The following DMRTA1 variants were observed in gnomAD, a reference collection of about 807,000 sequenced individuals.
DMRTA1 encodes doublesex- and mab-3-related transcription factor A1.
In DMRTA1, 34 loss-of-function variants were observed where a neutral mutation model predicts 35.2. The ratio of observed to expected loss-of-function variants is 0.97; its 90% CI spans 0.74 to 1.29. The LOEUF (loss-of-function observed/expected upper bound fraction) is 1.29. Ranked by LOEUF, DMRTA1 falls within the 50% of genes most tolerant of loss-of-function variation. DMRTA1 has a pLI of 0.00. For missense variants in DMRTA1, 824 were observed against 644.6 expected, an observed-to-expected ratio of 1.28 and a Z score of -3.01; for synonymous variants, 344 against 276.6, an observed-to-expected ratio of 1.24 and a Z score of -2.42.
At position 22,451,340 on chromosome 9, in the gene DMRTA1, C is replaced by T. The variant is rs61729546; in HGVS notation, c.944C>T (p.Thr315Ile). 2 of 1,613,968 alleles carry T rather than the reference C, an allele frequency of 1.2e-6. No individual in the cohort carries two copies. Among genetic ancestry groups the T allele is most frequent in the Admixed American group, 1.7e-5 (1 of 60,000 alleles). ...ESEWVKDLTATKASLPTVSSR... is the reference protein window; with the variant it reads ...ESEWVKDLTAIKASLPTVSSR... ...GAATGGGTCAAAGACTTGACTGCGA[C>T]CAAGGCAAGCCTTCCGACAGTGTCC... The change falls in exon 2 of 2, where the codon ACC (threonine) becomes ATC (isoleucine). Residue 315 changes from threonine (T) to isoleucine (I), a missense_variant. By Grantham distance (89) the Thr-to-Ile change is moderately conservative (BLOSUM62 -1). Coordinates refer to ENST00000325870, the MANE Select transcript of DMRTA1 (RefSeq NM_022160.3).
chr9:22,447,251 C>A lies in DMRTA1; in HGVS notation c.186C>A (p.Ala62=). 1 of 1,501,830 alleles carries A rather than the reference C, an allele frequency of 6.7e-7. No homozygotes were observed. The highest frequency in any genetic ancestry group is 2.4e-5 in the Admixed American group (1 of 41,260). 93.0% of individuals were successfully genotyped at this position (1,501,830 alleles called of 1,614,324 possible). A position where few individuals can be genotyped will look rare whatever the true frequency, so the allele number is the denominator to read the frequency against. ...TTCTGCGAGCAGCGGCCGCGGCCGCCGCCGCCGCTGCCGCCACCTCGGGAA... is the reference window on the plus strand; with the variant it reads ...TTCTGCGAGCAGCGGCCGCGGCCGCAGCCGCCGCTGCCGCCACCTCGGGAA... ...SLFLRAAAAA[A]AAAAATSGSG... is the part of the protein sequence containing the mutation. Residue 62 remains alanine, a synonymous_variant, in exon 1 of 2, where the codon GCC becomes GCA. Coordinates refer to ENST00000325870, the MANE Select transcript of DMRTA1 (RefSeq NM_022160.3).
Position 22,452,568 on chromosome 9 carries a change from G to GT in DMRTA1, c.*658dup, listed in dbSNP as rs1818947089. The GT allele has an allele frequency of 6.6e-6, 1 of 152,142 alleles. No individual in the cohort carries two copies. Among genetic ancestry groups the GT allele is most frequent in the African/African-American group, 2.4e-5 (1 of 41,438 alleles). The allele number at this position is 152,142 out of a possible 1,614,324, so 9.4% of individuals were successfully genotyped here. A position where few individuals can be genotyped will look rare whatever the true frequency, so the allele number is the denominator to read the frequency against. ...AACATTTCTCTTTAAAGTTGACACT[G>GT]TGTCTATGAAGTAAATTTTAGGAAA... On this transcript the variant is annotated 3_prime_UTR_variant, in exon 2 of 2. Coordinates refer to ENST00000325870, the MANE Select transcript of DMRTA1 (RefSeq NM_022160.3).
intron 1 of DMRTA1, 38 bp from the exon 2 acceptor site, chr9:22,451,026 T>G (rs779775461): frequency 5.7e-6 from 9 of 1,576,722 alleles, no homozygotes; most frequent in Non-Finnish European, 7.7e-6. Flanking sequence ...CTGGGAAGTC[T>G]TCCCTGTATT....
rs369086318 is a variant in DMRTA1 at position 22,447,695 on chromosome 9, C to T, written c.630C>T (p.Phe210=). 3.1e-6 allele frequency: 5 copies of T among 1,613,196 alleles called. No homozygotes were observed. The African/African-American group carries it at 4.0e-5, about 13-fold the overall frequency. ...CCAGTGGTTCCGCGACCCCCGCTTT[C>T]GAAGTTTTCCAGCAAGATTATCCTG... The part of the protein sequence containing the change: ...RQASGSATPA[F]EVFQQDYPEE... The change falls in exon 1 of 2, where the codon TTC becomes TTT. Residue 210 remains phenylalanine, a synonymous_variant. Transcript: ENST00000325870.
At position 22,451,468 on chromosome 9, in the gene DMRTA1, C is replaced by T; in HGVS notation, c.1072C>T (p.Gln358Ter). 1 of 1,614,114 alleles carries T rather than the reference C, an allele frequency of 6.2e-7. No individual in the cohort carries two copies. The highest frequency in any genetic ancestry group is 8.5e-7 in the Non-Finnish European group (1 of 1,179,980). The change falls in exon 2 of 2, where the codon CAA becomes TAA. Residue 358 changes from glutamine to a stop codon, truncating the protein, a stop_gained. Coordinates refer to ENST00000325870, the MANE Select transcript of DMRTA1 (RefSeq NM_022160.3). LOFTEE classifies it high-confidence loss of function. ...ACGGTTCTGCAAAGGGGATGTGGTC[C>T]AAGCCATTGAACAGGTTTTAAATGG... ...ILRFCKGDVV[Q>*]AIEQVLNGKE...
rs919836283 is a variant in DMRTA1, at chr9:22,452,515, C to G, written c.*604C>G. 1.3e-5 allele frequency: 2 copies of G among 152,148 alleles called. No individual in the cohort carries two copies. Among genetic ancestry groups the G allele is most frequent in the Non-Finnish European group, 2.9e-5 (2 of 68,042 alleles). The allele number at this position is 152,148 out of a possible 1,614,324, so 9.4% of individuals were successfully genotyped here. Reference sequence around the variant, plus strand: ...GTATTTTATTTTTCAATCTTAGCTTCCATGAGTGAAAACAAGTGCCATTAA... The same window carrying G: ...GTATTTTATTTTTCAATCTTAGCTTGCATGAGTGAAAACAAGTGCCATTAA... On this transcript the variant is annotated 3_prime_UTR_variant, in exon 2 of 2. Transcript: ENST00000325870.
intron 1 of DMRTA1, 24 bp from the exon 2 acceptor site, chr9:22,451,040 T>TTGAC: frequency 1.3e-6 from 2 of 1,570,192 alleles, no homozygotes; most frequent in Non-Finnish European, 1.7e-6. Context: ...CTGTATTTGA[T>TTGAC]TTTTTTTTCC....
At chr9:22,449,967 C>T (rs558696755) in intron 1 of DMRTA1, among the ~76,000 whole-genome samples, 3 of 152,164 alleles carry the variant, frequency 2.0e-5, no homozygotes, top group South Asian at 4.1e-4. Context: ...GGAAGTTGGA[C>T]AGAATTACTC....
Position 22,451,790 on chromosome 9 carries a change from C to A in DMRTA1, c.1394C>A (p.Pro465His). Reference protein sequence around the residue: ...YLTPGLVPTLPFRPALDYAFS... With the variant: ...YLTPGLVPTLHFRPALDYAFS... The stretch of plus-strand genomic sequence containing the variant: ...ACACCTGGGTTAGTACCAACCTTAC[C>A]TTTTCGGCCAGCTTTGGATTATGCC... Residue 465 changes from proline to histidine, a missense_variant, in exon 2 of 2, where the codon CCT becomes CAT. Physicochemically the swap from Pro to His is moderately conservative, Grantham distance 77. Transcript: ENST00000325870. 6.2e-7 allele frequency: 1 copy of A among 1,614,060 alleles called. No homozygotes were observed. The highest frequency in any genetic ancestry group is 8.5e-7 in the Non-Finnish European group (1 of 1,179,930).
In DMRTA1 at chr9:22,452,063, A is replaced by T; in HGVS notation, c.*152A>T. 2.3e-6 allele frequency: 2 copies of T among 879,150 alleles called. No homozygotes were observed. Among genetic ancestry groups the T allele is most frequent in the Non-Finnish European group, 1.7e-6 (1 of 598,178 alleles). The allele number at this position is 879,150 out of a possible 1,614,324, so 54.5% of individuals were successfully genotyped here. A position where few individuals can be genotyped will look rare whatever the true frequency, so the allele number is the denominator to read the frequency against. On this transcript the variant is annotated 3_prime_UTR_variant, in exon 2 of 2. Coordinates refer to ENST00000325870, the MANE Select transcript of DMRTA1 (RefSeq NM_022160.3). ...CTGGGTTTTTTTTTTTTCAAGCAAT[A>T]TAATAGGTCTTAGATCTGAAAACTC...
In DMRTA1 at chr9:22,451,292, A is replaced by G; in HGVS notation, c.896A>G (p.Asp299Gly). The change falls in exon 2 of 2, where the codon GAT (aspartate) becomes GGT (glycine). Residue 299 changes from aspartate to glycine, a missense_variant. Physicochemically the swap from Asp to Gly is moderately conservative, Grantham distance 94. Coordinates refer to ENST00000325870, the MANE Select transcript of DMRTA1 (RefSeq NM_022160.3). ...AGTCCCAGGTCCTTATCATCCTCTG[A>G]TCTGGAATCAGGAAATGAAAGTGAA... Reference protein sequence around the residue: ...EESPRSLSSSDLESGNESEWV... With the variant: ...EESPRSLSSSGLESGNESEWV... The G allele has an allele frequency of 6.2e-7, 1 of 1,614,102 alleles. No individual in the cohort carries two copies. The highest frequency in any genetic ancestry group is 8.5e-7 in the Non-Finnish European group (1 of 1,179,966).
chr9:22,451,533 A>G lies in DMRTA1; in HGVS notation c.1137A>G (p.Ser379=), dbSNP rs574289690. ...CAGACAACAGGAACCTAGCAAACTCAGAAGAACTGGAAAACACAGCCTTTC... is the reference window on the plus strand; with the variant it reads ...CAGACAACAGGAACCTAGCAAACTCGGAAGAACTGGAAAACACAGCCTTTC... ...HKPDNRNLAN[S]EELENTAFQR... The change falls in exon 2 of 2, where the codon TCA becomes TCG. Residue 379 remains serine (S), a synonymous_variant. Coordinates refer to ENST00000325870, the MANE Select transcript of DMRTA1 (RefSeq NM_022160.3). 1 of 1,614,174 alleles carries G rather than the reference A, an allele frequency of 6.2e-7. No individual in the cohort carries two copies. Among genetic ancestry groups the G allele is most frequent in the Admixed American group, 1.7e-5 (1 of 60,034 alleles).
chr9:22,447,768 A>T, intron 1 of DMRTA1, 36 bp downstream of exon 1: 1 of 1,610,404 alleles, frequency 6.2e-7, no homozygotes, highest in Non-Finnish European at 8.5e-7. Context: ...TGCTCAAGGA[A>T]TGGTTGTTCT....
In DMRTA1 at chr9:22,451,530, C is replaced by G; in HGVS notation, c.1134C>G (p.Asn378Lys). 2.5e-6 allele frequency: 4 copies of G among 1,614,156 alleles called. No homozygotes were observed. The highest frequency in any genetic ancestry group is 3.4e-6 in the Non-Finnish European group (4 of 1,179,994). The change falls in exon 2 of 2, where the codon AAC (asparagine) becomes AAG (lysine). Residue 378 changes from asparagine (N) to lysine (K), a missense_variant. Asn to Lys is a moderately conservative substitution (Grantham distance 94, BLOSUM62 0). Coordinates refer to ENST00000325870, the MANE Select transcript of DMRTA1 (RefSeq NM_022160.3). ...EHKPDNRNLA[N>K]SEELENTAFQ... is the part of the protein sequence containing the mutation. ...AGCCAGACAACAGGAACCTAGCAAA[C>G]TCAGAAGAACTGGAAAACACAGCCT...
chr9:22,447,732 GGTGA>G lies in DMRTA1; in HGVS notation c.667+3_667+6del. ...GCAAGATTATCCTGAGGAAAAACAA[GGTGA>G]GTTGGTCTTTGATTTACTCTTTGCT... On this transcript the variant is annotated splice_donor_variant and splice_donor_region_variant and intron_variant, in intron 1 of 1. Transcript: ENST00000325870. LOFTEE classifies it high-confidence loss of function. 6.2e-7 allele frequency: 1 copy of G among 1,613,388 alleles called. No individual in the cohort carries two copies. Among genetic ancestry groups the G allele is most frequent in the Non-Finnish European group, 8.5e-7 (1 of 1,179,986 alleles).
chr9:22,451,599 A>G lies in DMRTA1; in HGVS notation c.1203A>G (p.Gly401=), dbSNP rs757771658. The change falls in exon 2 of 2, where the codon GGA becomes GGG. Residue 401 remains glycine, a synonymous_variant. Transcript: ENST00000325870. ...TTAGTCTTGCTGGAATTGGTTTTGGAACTCTAGGTAATAAATCAGCTTTCT... is the reference window on the plus strand; with the variant it reads ...TTAGTCTTGCTGGAATTGGTTTTGGGACTCTAGGTAATAAATCAGCTTTCT... ...SSFSLAGIGF[G]TLGNKSAFSP... 14 of 1,614,088 alleles carry G rather than the reference A, an allele frequency of 8.7e-6. No homozygotes were observed. The highest frequency in any genetic ancestry group is 1.2e-5 in the Non-Finnish European group (14 of 1,179,926).
At chr9:22,449,312 A>T (rs1301037655) in intron 1 of DMRTA1, among the ~76,000 whole-genome samples, 1 of 152,224 alleles carries the variant, frequency 6.6e-6, no homozygotes, top group African/African-American at 2.4e-5. Flanking sequence ...AAGAAGGCAG[A>T]CTATATGTAT....
chr9:22,447,476 C>T lies in DMRTA1; in HGVS notation c.411C>T (p.Ala137=). ...TLIAERQRVM[A]AQVALRRQQA... is the part of the protein sequence containing the mutation. Reference sequence around the variant, plus strand: ...TCGCCGAGCGCCAGCGCGTCATGGCCGCCCAGGTGGCGCTGCGCAGGCAGC... The same window carrying T: ...TCGCCGAGCGCCAGCGCGTCATGGCTGCCCAGGTGGCGCTGCGCAGGCAGC... The change falls in exon 1 of 2, where the codon GCC becomes GCT. Residue 137 remains alanine, a synonymous_variant. Coordinates refer to ENST00000325870, the MANE Select transcript of DMRTA1 (RefSeq NM_022160.3). 6.4e-7 allele frequency: 1 copy of T among 1,556,876 alleles called. No individual in the cohort carries two copies. The highest frequency in any genetic ancestry group is 8.7e-7 in the Non-Finnish European group (1 of 1,152,422).
rs1818927524 is a variant in DMRTA1 at position 22,451,492 on chromosome 9, G to A, written c.1096G>A (p.Gly366Ser). 1.2e-6 allele frequency: 2 copies of A among 1,614,112 alleles called. No individual in the cohort carries two copies. Among genetic ancestry groups the A allele is most frequent in the Non-Finnish European group, 8.5e-7 (1 of 1,179,986 alleles). ...VVQAIEQVLNGKEHKPDNRNL... is the reference protein window; with the variant it reads ...VVQAIEQVLNSKEHKPDNRNL... Reference sequence around the variant, plus strand: ...CCAAGCCATTGAACAGGTTTTAAATGGCAAAGAACACAAGCCAGACAACAG... The same window carrying A: ...CCAAGCCATTGAACAGGTTTTAAATAGCAAAGAACACAAGCCAGACAACAG... Residue 366 changes from glycine to serine, a missense_variant, in exon 2 of 2, where the codon GGC becomes AGC. Physicochemically the swap from Gly to Ser is moderately conservative, Grantham distance 56. Transcript: ENST00000325870.
Sources: allele counts gnomAD v4.1 joint callset (sites outside exome capture counted in the v4.1 genomes callset), GRCh38; gene constraint gnomAD v4.1.1; transcripts MANE v1.5; gene names NCBI Gene and HGNC (gene_info 2026-07-23, HGNC 2026-07-21).